EBF2: variants seen among roughly 807,000 people sequenced by gnomAD.
EBF2 encodes transcription factor COE2.
Under a neutral mutation model 72.8 loss-of-function variants are expected in EBF2, and 21 were observed. The observed-to-expected ratio is 0.29, with a 90% confidence interval of 0.20 to 0.42. The LOEUF is 0.42. Among genes scored for constraint, EBF2 ranks in the 10% least tolerant of loss-of-function variants. The probability of loss-of-function intolerance (pLI) is 1.00; values close to 1 mark genes in which losing one functional copy is unlikely to be tolerated. For synonymous variants in EBF2, 299 were observed against 274.2 expected, an observed-to-expected ratio of 1.09 and a Z score of -0.89; for missense variants, 637 against 731.2, an observed-to-expected ratio of 0.87 and a Z score of 1.49.
chr8:25,974,712 G>A (rs1034884346), intron 6 of EBF2, among the ~76,000 whole-genome samples: 2 of 152,104 alleles, frequency 1.3e-5, no homozygotes, highest in African/African-American at 4.8e-5. Context: ...AAATAATTAT[G>A]AGTCCCTGCT....
chr8:25,886,740 CG>C lies in EBF2; in HGVS notation c.1009+14del. On this transcript the variant is annotated intron_variant, in intron 10 of 15. Coordinates refer to ENST00000520164, the MANE Select transcript of EBF2 (RefSeq NM_022659.4). The stretch of plus-strand genomic sequence containing the variant: ...ACCAGAAGCCAGCCTCTCTTGGAAT[CG>C]TTTTCTCACCTACCTGTGTAAATGA... The C allele has an allele frequency of 6.2e-7, 1 of 1,603,266 alleles. No individual in the cohort carries two copies. Among genetic ancestry groups the C allele is most frequent in the South Asian group, 1.1e-5 (1 of 88,508 alleles).
At chr8:26,039,906 C>CAGCT in intron 5 of EBF2, 122 bp downstream of exon 5, 1 of 985,560 alleles carries the variant, frequency 1.0e-6, no homozygotes, top group Admixed American at 1.8e-5. Flanking sequence ...CCCGTCTGCC[C>CAGCT]GCGAGGCCTC....
At chr8:25,990,904 C>G (rs910294233) in intron 6 of EBF2, among the ~76,000 whole-genome samples, 2 of 152,162 alleles carry the variant, frequency 1.3e-5, no homozygotes, top group African/African-American at 4.8e-5. Flanking sequence ...TGGGTTAGCA[C>G]AAACAGGGTA....
chr8:26,006,554 A>T (rs1319232140), intron 6 of EBF2, among the ~76,000 whole-genome samples: 1 of 152,210 alleles, frequency 6.6e-6, no homozygotes, highest in Non-Finnish European at 1.5e-5. Context: ...TTATGACTCT[A>T]TATTTAAATA....
At position 25,850,661 on chromosome 8, in the gene EBF2, G is replaced by T; in HGVS notation, c.1629C>A (p.Ala543=). Residue 543 remains alanine (A), a synonymous_variant, in exon 15 of 16, where the codon GCC becomes GCA. Transcript: ENST00000520164. ...FPAVKQKSAF[A]PVIRPQGSPS... ...GGGAGCCTTGGGGCCTGATGACAGG[G>T]GCAAAGGCACTCTTCTGTTTGACAG... The T allele has an allele frequency of 6.4e-7, 1 of 1,563,942 alleles. No homozygotes were observed. The highest frequency in any genetic ancestry group is 2.4e-5 in the East Asian group (1 of 41,578).
intron 6 of EBF2, among the ~76,000 whole-genome samples, chr8:25,960,780 C>T (rs986055355): frequency 6.6e-5 from 10 of 152,060 alleles, no homozygotes; most frequent in African/African-American, 1.7e-4. Context: ...TTTCTCACAG[C>T]GACAAATCAC....
chr8:25,911,241 A>C (rs1803124571), intron 6 of EBF2, among the ~76,000 whole-genome samples: 1 of 152,216 alleles, frequency 6.6e-6, no homozygotes, highest in Non-Finnish European at 1.5e-5. Context: ...ATAAATTATG[A>C]GATTCAGACC....
At chr8:26,036,962 A>T (rs1805512132) in intron 5 of EBF2, among the ~76,000 whole-genome samples, 1 of 152,228 alleles carries the variant, frequency 6.6e-6, no homozygotes, top group Non-Finnish European at 1.5e-5. Flanking sequence ...CAATAGGTTA[A>T]GACTGTGTTC....
chr8:25,996,118 T>C (rs1198515150), intron 6 of EBF2, among the ~76,000 whole-genome samples: 1 of 151,948 alleles, frequency 6.6e-6, no homozygotes, highest in African/African-American at 2.4e-5. Context: ...TTGGGCAACA[T>C]GGCAAAACCC....
In EBF2 at chr8:26,040,979, G is replaced by A. The variant is rs1585238441; in HGVS notation, c.312C>T (p.Asn104=). 1.2e-6 allele frequency: 2 copies of A among 1,614,230 alleles called. No homozygotes were observed. The highest frequency in any genetic ancestry group is 1.7e-6 in the Non-Finnish European group (2 of 1,180,038). ...NDKEQGNEKT[N]NGTHYKLQLL... is the part of the protein sequence containing the mutation. ...GCTGTAACTTGTAGTGAGTGCCGTT[G>A]TTGGTCTTCTCGTTGCCTTGTTCCT... The change falls in exon 3 of 16, where the codon AAC becomes AAT. Residue 104 remains asparagine, a synonymous_variant. Coordinates refer to ENST00000520164, the MANE Select transcript of EBF2 (RefSeq NM_022659.4).
intron 6 of EBF2, among the ~76,000 whole-genome samples, chr8:25,988,568 A>G (rs1804497607): frequency 6.6e-6 from 1 of 152,204 alleles, no homozygotes; most frequent in Admixed American, 6.5e-5. Context: ...ATCTGCTCAT[A>G]TTTATTGAAT....
chr8:25,987,650 A>C (rs1229794500), intron 6 of EBF2, among the ~76,000 whole-genome samples: 1 of 152,214 alleles, frequency 6.6e-6, no homozygotes, highest in East Asian at 1.9e-4. Context: ...TTTATCAAGA[A>C]TAATACAATC....
chr8:25,992,288 C>A (rs1177042195), intron 6 of EBF2, among the ~76,000 whole-genome samples: 1 of 139,300 alleles, frequency 7.2e-6, no homozygotes, highest in Admixed American at 8.1e-5. Flanking sequence ...GAGCCACGAT[C>A]GCGCCATTGC....
intron 6 of EBF2, among the ~76,000 whole-genome samples, chr8:25,974,748 C>A (rs974221247): frequency 1.1e-4 from 16 of 152,018 alleles, no homozygotes; most frequent in African/African-American, 2.7e-4. Context: ...CTCCCCCTGC[C>A]CCCCCATCCT....
chr8:25,945,334 T>G (rs1379120826), intron 6 of EBF2, among the ~76,000 whole-genome samples: 1 of 152,054 alleles, frequency 6.6e-6, no homozygotes, highest in African/African-American at 2.4e-5. Context: ...ACCAGAAAAT[T>G]TCTAGCATTT....
intron 3 of EBF2, 61 bp downstream of exon 3, chr8:26,040,878 C>A (rs866447987): frequency 5.0e-6 from 8 of 1,605,582 alleles, no homozygotes; most frequent in Non-Finnish European, 6.8e-6. Context: ...GCAAGGTCAG[C>A]GCGTGCGGCC....
At position 25,851,505 on chromosome 8, in the gene EBF2, T is replaced by C. The variant is rs1013000328; in HGVS notation, c.1529-744A>G. Reference sequence around the variant, plus strand: ...AATAAAAGCAATTTACATAATGAAGTACCCCACCTCTTAATGTCAGATACT... The same window carrying C: ...AATAAAAGCAATTTACATAATGAAGCACCCCACCTCTTAATGTCAGATACT... On this transcript the variant is annotated intron_variant, in intron 14 of 15. Transcript: ENST00000520164. 2.6e-5 allele frequency among the ~76,000 whole-genome samples: 4 copies of C among 152,186 alleles called. No individual in the cohort carries two copies. The South Asian group carries it at 8.3e-4, about 32-fold the overall frequency.
chr8:25,893,270 C>CTTT (rs1563391340), intron 7 of EBF2, among the ~76,000 whole-genome samples: 1 of 122,738 alleles, frequency 8.1e-6, no homozygotes, highest in African/African-American at 2.9e-5. Flanking sequence ...TTAATTCTTC[C>CTTT]ATTTTTTTTT....
chr8:25,850,898 T>G, intron 14 of EBF2, 137 bp from the exon 15 acceptor site: 2 of 910,684 alleles, frequency 2.2e-6, no homozygotes, highest in Non-Finnish European at 3.2e-6. Flanking sequence ...AAAAGTTGAA[T>G]GTGACAACAT....
Sources: gnomAD v4.1 joint callset for allele counts (sites outside exome capture counted in the v4.1 genomes callset) on GRCh38, gnomAD v4.1.1 for gene constraint, MANE v1.5 for transcripts, NCBI Gene and HGNC (gene_info 2026-07-23, HGNC 2026-07-21) for gene names.